Variants in INSR observed in about 807,000 individuals in gnomAD.
INSR encodes IR.
A neutral mutation model predicts 142.6 loss-of-function variants in INSR; 67 were observed. The observed-to-expected ratio is 0.47, with a 90% CI of 0.39 to 0.58. INSR has a LOEUF of 0.58. Ranked by LOEUF, INSR falls within the 20% of genes least tolerant of loss-of-function variation. The pLI is 0.00. For missense variants in INSR, 1,248 were observed against 1,833.2 expected, an observed-to-expected ratio of 0.68 and a Z score of 5.83; for synonymous variants, 756 against 743.1, an observed-to-expected ratio of 1.02 and a Z score of -0.28.
chr19:7,117,171 C>A lies in INSR; in HGVS notation c.4034G>T (p.Gly1345Val). 6.2e-7 allele frequency: 1 copy of A among 1,614,144 alleles called. No homozygotes were observed. The change falls in exon 22 of 22, where the codon GGA becomes GTA. Residue 1345 changes from glycine to valine, a missense_variant. Gly to Val is a moderately radical substitution (Grantham distance 109, BLOSUM62 -3). Transcript: ENST00000302850. Reference sequence around the variant, plus strand: ...CCGCTTGAAACCCAGCGAGGACCCTCCATCCCGGCCCCCCGCCTCCTCCCT... The same window carrying A: ...CCGCTTGAAACCCAGCGAGGACCCTACATCCCGGCCCCCCGCCTCCTCCCT... ...CQREEAGGRD[G>V]GSSLGFKRSY...
At chr19:7,231,308 T>TGG (rs1975970127) in intron 2 of INSR, among the ~76,000 whole-genome samples, 1 of 149,688 alleles carries the variant, frequency 6.7e-6, no homozygotes, top group Non-Finnish European at 1.5e-5. Context: ...TTTTTTTTTT[T>TGG]TTTTTTTTTT....
At chr19:7,160,728 T>C (rs1164834471) in intron 9 of INSR, among the ~76,000 whole-genome samples, 1 of 151,828 alleles carries the variant, frequency 6.6e-6, no homozygotes, top group Non-Finnish European at 1.5e-5. Flanking sequence ...CTGGGCGCGG[T>C]GGCTCACGCC....
intron 1 of INSR, among the ~76,000 whole-genome samples, chr19:7,281,339 C>CAA (rs1260882264): frequency 0.01 from 320 of 31,366 alleles, 3 homozygotes; most frequent in African/African-American, 0.063. Flanking sequence ...AACAAACAAA[C>CAA]ACACACACAC....
intron 2 of INSR, among the ~76,000 whole-genome samples, chr19:7,246,291 T>G (rs60283853): frequency 0.28 from 42,083 of 151,968 alleles, 7,393 homozygotes; most frequent in African/African-American, 0.5. Context: ...AAAGGCACTT[T>G]TGTACTGGAA....
Position 7,113,974 on chromosome 19 carries a change from A to G in INSR, c.*3082T>C, listed in dbSNP as rs537952286. The G allele has an allele frequency of 6.6e-6, 1 of 151,176 alleles. No individual in the cohort carries two copies. The highest frequency in any genetic ancestry group is 2.0e-4 in the East Asian group (1 of 5,126). The allele number at this position is 151,176 out of a possible 1,614,324, so 9.4% of individuals were successfully genotyped here. A position where few individuals can be genotyped will look rare whatever the true frequency, so the allele number is the denominator to read the frequency against. On this transcript the variant is annotated 3_prime_UTR_variant, in exon 22 of 22. Coordinates refer to ENST00000302850, the MANE Select transcript of INSR (RefSeq NM_000208.4). ...TGCCTAGACTCTCACATGGGTTATCAAAGCTGCACAAGGTCCAATAATATC... is the reference window on the plus strand; with the variant it reads ...TGCCTAGACTCTCACATGGGTTATCGAAGCTGCACAAGGTCCAATAATATC...
In INSR at chr19:7,294,235, G is replaced by A. The variant is rs1968579643; in HGVS notation, c.-344C>T. ...CTCTCGGCCCCGCGCGCTCTGGGTC[G>A]CGATCTGCGGGCTCCGGGACAGAGG... On this transcript the variant is annotated 5_prime_UTR_variant, in exon 1 of 22. Transcript: ENST00000302850. Among the ~76,000 whole-genome samples the A allele has an allele frequency of 6.6e-6, 1 of 151,150 alleles. No individual in the cohort carries two copies. The highest frequency in any genetic ancestry group is 2.4e-5 in the African/African-American group (1 of 41,194).
intron 2 of INSR, among the ~76,000 whole-genome samples, chr19:7,253,943 C>T (rs1976810872): frequency 6.7e-6 from 1 of 148,946 alleles, no homozygotes; most frequent in African/African-American, 2.5e-5. Context: ...GTAGGAGAAT[C>T]GCTTGAACCT....
At chr19:7,200,778 C>G (rs570932109) in intron 2 of INSR, among the ~76,000 whole-genome samples, 1 of 148,716 alleles carries the variant, frequency 6.7e-6, no homozygotes, top group South Asian at 2.2e-4. Flanking sequence ...AAGGATTGCT[C>G]GAGTCCAGGA....
chr19:7,210,232 T>TTG (rs1975232635), intron 2 of INSR, among the ~76,000 whole-genome samples: 1 of 151,362 alleles, frequency 6.6e-6, no homozygotes, highest in Non-Finnish European at 1.5e-5. Flanking sequence ...GTAATCCCAG[T>TTG]TGCTCGGGAA....
At chr19:7,228,756 A>G (rs1975860996) in intron 2 of INSR, among the ~76,000 whole-genome samples, 1 of 152,214 alleles carries the variant, frequency 6.6e-6, no homozygotes, top group African/African-American at 2.4e-5. Flanking sequence ...CAAAATAATC[A>G]CTTTTAATAC....
At chr19:7,178,253 G>C (rs981055614) in intron 3 of INSR, among the ~76,000 whole-genome samples, 1 of 128,622 alleles carries the variant, frequency 7.8e-6, no homozygotes, top group African/African-American at 2.9e-5. Flanking sequence ...TGGGGGGGGG[G>C]GTGCCTAGAT....
chr19:7,270,588 A>G (rs1967892536), intron 1 of INSR, among the ~76,000 whole-genome samples: 1 of 151,938 alleles, frequency 6.6e-6, no homozygotes, highest in Non-Finnish European at 1.5e-5. Flanking sequence ...CCCAACTCTA[A>G]AAAATAATAA....
chr19:7,269,148 TA>T (rs1206857335), intron 1 of INSR, among the ~76,000 whole-genome samples: 1 of 146,036 alleles, frequency 6.8e-6, no homozygotes, highest in Non-Finnish European at 1.5e-5. Flanking sequence ...TCCAAAACAC[TA>T]AACCTTCCAC....
Position 7,152,718 on chromosome 19 carries a change from G to T in INSR, c.2231+8C>A, listed in dbSNP as rs1423929341. Reference sequence around the variant, plus strand: ...ACCCACTAAGAGAGCCCAGCGCCAAGTCCTGACCTGGGGACGAAAACCACG... The same window carrying T: ...ACCCACTAAGAGAGCCCAGCGCCAATTCCTGACCTGGGGACGAAAACCACG... On this transcript the variant is annotated splice_region_variant and intron_variant, in intron 10 of 21. Transcript: ENST00000302850. The T allele has an allele frequency of 1.2e-6, 2 of 1,610,852 alleles. No individual in the cohort carries two copies.
intron 1 of INSR, among the ~76,000 whole-genome samples, chr19:7,279,540 A>G (rs1265435385): frequency 6.6e-6 from 1 of 150,558 alleles, no homozygotes; most frequent in African/African-American, 2.4e-5. Flanking sequence ...CTGAGTTGGC[A>G]GCATATTGAG....
intron 2 of INSR, among the ~76,000 whole-genome samples, chr19:7,239,900 T>C (rs1976287689): frequency 6.6e-6 from 1 of 152,190 alleles, no homozygotes; most frequent in South Asian, 2.1e-4. Flanking sequence ...AAAAATATCA[T>C]ATGTGTGCAT....
chr19:7,142,888 C>A lies in INSR; in HGVS notation c.2470G>T (p.Ala824Ser), dbSNP rs368892041. 2.4e-5 allele frequency: 38 copies of A among 1,614,134 alleles called. No homozygotes were observed. The highest frequency in any genetic ancestry group is 3.1e-5 in the Non-Finnish European group (37 of 1,180,024). The change falls in exon 12 of 22, where the codon GCT becomes TCT. Residue 824 changes from alanine (A) to serine (S), a missense_variant. Ala to Ser is a moderately conservative substitution (Grantham distance 99, BLOSUM62 1). Around this residue, in one of 3 missense-constraint regions of INSR, gnomAD observed 1,069 missense variants for 1,654.0 expected, o/e 0.65. Transcript: ENST00000302850. Reference protein sequence around the residue: ...HFTGYRIELQACNQDTPEERC... With the variant: ...HFTGYRIELQSCNQDTPEERC... The stretch of plus-strand genomic sequence containing the variant: ...TCCTCAGGGGTGTCCTGGTTGCAAG[C>A]CTGCAGCTCGATGCGATAGCCCGTG...
chr19:7,193,867 T>C (rs1413129155), intron 2 of INSR, among the ~76,000 whole-genome samples: 1 of 152,044 alleles, frequency 6.6e-6, no homozygotes, highest in Admixed American at 6.6e-5. Flanking sequence ...TTTTTGTATA[T>C]GTATATATAC....
At chr19:7,292,474 G>GGA (rs77255913) in intron 1 of INSR, among the ~76,000 whole-genome samples, 15,277 of 150,298 alleles carry the variant, frequency 0.1, 1,067 homozygotes, top group Admixed American at 0.16. Flanking sequence ...CGGGGCTGGG[G>GGA]GGGGGTGGGC....
Sources: allele counts gnomAD v4.1 joint callset (sites outside exome capture counted in the v4.1 genomes callset), GRCh38; gene constraint gnomAD v4.1.1; regional missense constraint gnomAD v4.1.1; transcripts MANE v1.5; gene names NCBI Gene and HGNC (gene_info 2026-07-23, HGNC 2026-07-21).